Variants in MACROD2 observed in about 807,000 individuals in gnomAD.
MACROD2 encodes the protein ADP-ribose glycohydrolase MACROD2.
In MACROD2, 36 loss-of-function variants were observed where a neutral mutation model predicts 70.4. The observed-to-expected ratio is 0.51, with a 90% CI of 0.39 to 0.68. The LOEUF (loss-of-function observed/expected upper bound fraction) is 0.68. Among genes scored for constraint, MACROD2 ranks in the 30% least tolerant of loss-of-function variants. MACROD2 has a pLI of 0.00. For missense variants in MACROD2, 496 were observed against 538.4 expected (o/e 0.92, Z 0.78); for synonymous variants, 172 against 178.8 (o/e 0.96, Z 0.30).
intron 8 of MACROD2, among the ~76,000 whole-genome samples, chr20:15,695,238 T>G (rs1237399689): frequency 6.6e-6 from 1 of 152,164 alleles, no homozygotes; most frequent in Non-Finnish European, 1.5e-5. Flanking sequence ...AGAATTTTTT[T>G]TCTAATTCTG....
chr20:14,687,853 G>T (rs912105953), intron 5 of MACROD2, among the ~76,000 whole-genome samples: 1 of 152,132 alleles, frequency 6.6e-6, no homozygotes, highest in African/African-American at 2.4e-5. Context: ...AAAGCATAAA[G>T]GAAAGCAAGG....
At chr20:14,053,981 G>A (rs1390229450) in intron 2 of MACROD2, among the ~76,000 whole-genome samples, 1 of 151,994 alleles carries the variant, frequency 6.6e-6, no homozygotes, top group Admixed American at 6.6e-5. Context: ...TTAATACTTG[G>A]AAATTAAGAG....
Position 15,718,091 on chromosome 20 carries a change from C to T in MACROD2, c.646-144654C>T, listed in dbSNP as rs528410183. Among the ~76,000 whole-genome samples, 6 of 150,700 alleles carry T rather than the reference C, an allele frequency of 4.0e-5. No individual in the cohort carries two copies. The South Asian group carries it at 6.3e-4, about 16-fold the overall frequency. On this transcript the variant is annotated intron_variant, in intron 8 of 17. Transcript: ENST00000684519. The stretch of plus-strand genomic sequence containing the variant: ...GCTGGAGTGCAGTGGTACGAATTTC[C>T]GGCCCCCAGGTTCAAGTGATTCTCC...
intron 6 of MACROD2, among the ~76,000 whole-genome samples, chr20:15,374,387 G>A (rs2045534396): frequency 6.6e-6 from 1 of 151,736 alleles, no homozygotes; most frequent in South Asian, 2.1e-4. Context: ...TCACTTATAT[G>A]TGTGTATGTG....
intron 6 of MACROD2, among the ~76,000 whole-genome samples, chr20:15,405,252 C>A (rs910407579): frequency 1.6e-4 from 24 of 149,302 alleles, no homozygotes; most frequent in Middle Eastern, 3.4e-3. Flanking sequence ...AAAAAAAAAA[C>A]CACACTGAAT....
At chr20:15,937,668 C>T in intron 12 of MACROD2, 124 bp downstream of exon 12, 1 of 783,886 alleles carries the variant, frequency 1.3e-6, no homozygotes, top group Non-Finnish European at 2.1e-6. Flanking sequence ...GTCTCTGTTT[C>T]CAATATAATT....
At chr20:15,848,172 T>A (rs2147142372) in intron 8 of MACROD2, among the ~76,000 whole-genome samples, 1 of 152,320 alleles carries the variant, frequency 6.6e-6, no homozygotes, top group South Asian at 2.1e-4. Context: ...AGTTAAAATA[T>A]GTTGAAACAT....
At chr20:15,526,405 G>A (rs188287905) in intron 8 of MACROD2, among the ~76,000 whole-genome samples, 217 of 152,264 alleles carry the variant, frequency 1.4e-3, no homozygotes, top group African/African-American at 4.9e-3. Context: ...AGAATATTTG[G>A]GGCTAAACTG....
chr20:14,466,091 A>T (rs2084443798), intron 3 of MACROD2, among the ~76,000 whole-genome samples: 1 of 152,010 alleles, frequency 6.6e-6, no homozygotes, highest in South Asian at 2.1e-4. Context: ...GCCTTGCTAG[A>T]TTGGGGAAGT....
chr20:14,626,488 CCT>C (rs1432663328), intron 4 of MACROD2, among the ~76,000 whole-genome samples: 1 of 152,152 alleles, frequency 6.6e-6, no homozygotes, highest in Non-Finnish European at 1.5e-5. Flanking sequence ...TACCACCTCT[CCT>C]AGTCACCCTT....
chr20:15,102,135 A>T (rs1192148038), intron 5 of MACROD2, among the ~76,000 whole-genome samples: 1 of 152,102 alleles, frequency 6.6e-6, no homozygotes. Context: ...AGAATTAATT[A>T]AAAAATTAAA....
chr20:14,300,494 T>C (rs545469008), intron 3 of MACROD2, among the ~76,000 whole-genome samples: 1 of 152,296 alleles, frequency 6.6e-6, no homozygotes, highest in South Asian at 2.1e-4. Flanking sequence ...TAATGGTACA[T>C]TTATTTCAAG....
chr20:15,909,501 A>G (rs1295567329), intron 10 of MACROD2, among the ~76,000 whole-genome samples: 1 of 150,852 alleles, frequency 6.6e-6, no homozygotes, highest in African/African-American at 2.4e-5. Context: ...CATACACATA[A>G]GTACATAATA....
chr20:14,959,117 TTTG>T (rs1009184217), intron 5 of MACROD2, among the ~76,000 whole-genome samples: 19 of 152,160 alleles, frequency 1.2e-4, no homozygotes, highest in African/African-American at 3.9e-4. Context: ...CTGAATTCTT[TTTG>T]TTGTTGTTGT....
At chr20:14,401,460 G>A (rs2122837276) in intron 3 of MACROD2, among the ~76,000 whole-genome samples, 1 of 152,096 alleles carries the variant, frequency 6.6e-6, no homozygotes, top group South Asian at 2.1e-4. Flanking sequence ...TTTTGTTTGT[G>A]TATTTTACAT....
intron 3 of MACROD2, among the ~76,000 whole-genome samples, chr20:14,226,119 T>G (rs549326820): frequency 1.5e-4 from 23 of 152,216 alleles, no homozygotes; most frequent in Admixed American, 3.9e-4. Flanking sequence ...AGTGAGTTGC[T>G]AAATATCAGG....
At chr20:14,134,333 T>G (rs966934065) in intron 3 of MACROD2, among the ~76,000 whole-genome samples, 2 of 152,188 alleles carry the variant, frequency 1.3e-5, no homozygotes, top group Non-Finnish European at 2.9e-5. Context: ...ACTGACTTTA[T>G]ACCTACCACA....
chr20:16,025,646 A>T (rs918884438), intron 15 of MACROD2, among the ~76,000 whole-genome samples: 2 of 152,264 alleles, frequency 1.3e-5, no homozygotes, highest in Admixed American at 6.5e-5. Flanking sequence ...CACAGACCCA[A>T]CTGCTGTGGA....
chr20:14,695,520 T>A (rs1351608364), intron 5 of MACROD2, among the ~76,000 whole-genome samples: 1 of 152,188 alleles, frequency 6.6e-6, no homozygotes, highest in South Asian at 2.1e-4. Flanking sequence ...AGTCACCATT[T>A]AATTCACTAC....
Sources: gnomAD v4.1 joint callset for allele counts (sites outside exome capture counted in the v4.1 genomes callset) on GRCh38, gnomAD v4.1.1 for gene constraint, MANE v1.5 for transcripts, NCBI Gene and HGNC (gene_info 2026-07-23, HGNC 2026-07-21) for gene names.